MDGA2: variants seen among roughly 807,000 people sequenced by gnomAD.
MDGA2 encodes MAM domain containing glycosylphosphatidylinositol anchor 2.
A neutral mutation model predicts 117.8 loss-of-function variants in MDGA2; 40 were observed. The observed-to-expected ratio is 0.34, with a 90% CI of 0.26 to 0.44. The LOEUF is 0.44. Among genes scored for constraint, MDGA2 ranks in the 20% least tolerant of loss-of-function variants. The pLI, the probability that MDGA2 is intolerant of heterozygous loss-of-function variation, is 1.00. For synonymous variants in MDGA2, 452 were observed against 439.0 expected (o/e 1.03, Z -0.37); for missense variants, 1,123 against 1,250.6 (o/e 0.90, Z 1.54).
At chr14:46,874,893 T>G (rs1194905598) in intron 12 of MDGA2, among the ~76,000 whole-genome samples, 1 of 150,916 alleles carries the variant, frequency 6.6e-6, no homozygotes, top group East Asian at 1.9e-4. Context: ...TTTTCAACTA[T>G]CCCTGAAATG....
intron 2 of MDGA2, among the ~76,000 whole-genome samples, chr14:47,226,209 G>A (rs934976002): frequency 6.9e-6 from 1 of 144,990 alleles, no homozygotes; most frequent in Non-Finnish European, 1.5e-5. Flanking sequence ...GTGAGACACT[G>A]TCTCACCATA....
chr14:47,503,519 C>T (rs917502902), intron 1 of MDGA2, among the ~76,000 whole-genome samples: 5 of 150,922 alleles, frequency 3.3e-5, no homozygotes, highest in Non-Finnish European at 5.9e-5. Flanking sequence ...CATTCTCCTG[C>T]CTCAGCCTCC....
chr14:47,125,609 G>A (rs1881863825), intron 5 of MDGA2, among the ~76,000 whole-genome samples: 1 of 151,866 alleles, frequency 6.6e-6, no homozygotes, highest in Non-Finnish European at 1.5e-5. Context: ...AAAAATTGAA[G>A]AATAAGTGAG....
Position 47,035,321 on chromosome 14 carries a change from G to T in MDGA2, c.1526-17C>A, listed in dbSNP as rs1162154576. 6.3e-7 allele frequency: 1 copy of T among 1,595,206 alleles called. No individual in the cohort carries two copies. Among genetic ancestry groups the T allele is most frequent in the Non-Finnish European group, 8.5e-7 (1 of 1,170,958 alleles). ...TGGGTGGAACTTGAAATGGGAAAAA[G>T]AAAATTTTTCAAGGTTAGTATAAAC... On this transcript the variant is annotated splice_polypyrimidine_tract_variant and intron_variant, in intron 7 of 16. Transcript: ENST00000399232.
At chr14:47,302,720 A>T (rs1889322961) in intron 1 of MDGA2, among the ~76,000 whole-genome samples, 1 of 152,178 alleles carries the variant, frequency 6.6e-6, no homozygotes, top group African/African-American at 2.4e-5. Context: ...TCATTCTGGG[A>T]AAAGCTGTGT....
At chr14:47,147,966 T>C (rs1883011915) in intron 3 of MDGA2, among the ~76,000 whole-genome samples, 1 of 152,206 alleles carries the variant, frequency 6.6e-6, no homozygotes, top group African/African-American at 2.4e-5. Context: ...AAGGCTGATG[T>C]ACTTGTCTGT....
intron 3 of MDGA2, among the ~76,000 whole-genome samples, chr14:47,173,102 A>C (rs886496804): frequency 1.3e-5 from 2 of 152,192 alleles, no homozygotes; most frequent in Non-Finnish European, 2.9e-5. Context: ...TTAGAGAAAA[A>C]AGAATAAAAA....
chr14:47,340,408 G>C (rs141350322), intron 1 of MDGA2, among the ~76,000 whole-genome samples: 1 of 151,978 alleles, frequency 6.6e-6, no homozygotes, highest in African/African-American at 2.4e-5. Context: ...ATAAAAAATA[G>C]CCAAAATACT....
intron 2 of MDGA2, among the ~76,000 whole-genome samples, chr14:47,242,424 C>G (rs1192559938): frequency 1.3e-5 from 2 of 151,890 alleles, no homozygotes; most frequent in African/African-American, 2.4e-5. Flanking sequence ...ACTCCCTCAG[C>G]TTTCAGGGAG....
intron 3 of MDGA2, among the ~76,000 whole-genome samples, chr14:47,185,266 T>C (rs1224857166): frequency 2.0e-5 from 3 of 151,358 alleles, no homozygotes; most frequent in Non-Finnish European, 3.0e-5. Flanking sequence ...ATAAAGTGTG[T>C]CATTACTTTA....
intron 15 of MDGA2, among the ~76,000 whole-genome samples, chr14:46,850,975 C>T (rs1881033935): frequency 6.6e-6 from 1 of 151,788 alleles, no homozygotes; most frequent in Admixed American, 6.6e-5. Context: ...GCTACATGAG[C>T]ATGTAATGTC....
rs1889062912 is a variant in MDGA2, at chr14:47,041,389, CATAA to C, written c.1526-6089_1526-6086del. Among the ~76,000 whole-genome samples the C allele has an allele frequency of 3.3e-5, 5 of 152,056 alleles. No homozygotes were observed. The South Asian group carries it at 1.0e-3, about 32-fold the overall frequency. On this transcript the variant is annotated intron_variant, in intron 7 of 16. Transcript: ENST00000399232. ...CATAATGAAAACGTATCAAATTTAG[CATAA>C]ATATTTGAAATGTCTATACCATGTA...
intron 1 of MDGA2, among the ~76,000 whole-genome samples, chr14:47,436,228 A>T (rs186957712): frequency 2.6e-5 from 4 of 152,158 alleles, no homozygotes; most frequent in Non-Finnish European, 4.4e-5. Context: ...GAAAGCTGAT[A>T]AGAAATTCAA....
chr14:47,524,367 C>T (rs1172873252), intron 1 of MDGA2, among the ~76,000 whole-genome samples: 1 of 152,016 alleles, frequency 6.6e-6, no homozygotes, highest in Non-Finnish European at 1.5e-5. Context: ...TCACTTCACG[C>T]CAGAAAACTG....
At chr14:47,109,953 CA>C (rs1286559236) in intron 5 of MDGA2, among the ~76,000 whole-genome samples, 2 of 151,976 alleles carry the variant, frequency 1.3e-5, no homozygotes, top group Non-Finnish European at 2.9e-5. Flanking sequence ...TCAAAAACTA[CA>C]GAAAGTAAAA....
Position 47,598,441 on chromosome 14 carries a change from T to A in MDGA2, c.280+76076A>T, listed in dbSNP as rs1309146071. 2.6e-5 allele frequency among the ~76,000 whole-genome samples: 4 copies of A among 152,296 alleles called. No homozygotes were observed. The Middle Eastern group carries it at 0.014, about 518-fold the overall frequency. On this transcript the variant is annotated intron_variant, in intron 1 of 16. Coordinates refer to ENST00000399232, the MANE Select transcript of MDGA2 (RefSeq NM_001113498.3). Reference sequence around the variant, plus strand: ...AACAACTCAAGTATCCATCCACAGATAAATGGATAAATAGAAAGTGATATA... The same window carrying A: ...AACAACTCAAGTATCCATCCACAGAAAAATGGATAAATAGAAAGTGATATA...
At chr14:47,134,048 A>G (rs1253740654) in intron 4 of MDGA2, among the ~76,000 whole-genome samples, 2 of 152,110 alleles carry the variant, frequency 1.3e-5, no homozygotes, top group Non-Finnish European at 2.9e-5. Context: ...TTTGATATAC[A>G]TTGTAAAATA....
intron 1 of MDGA2, among the ~76,000 whole-genome samples, chr14:47,620,545 G>A (rs1342797521): frequency 2.0e-5 from 3 of 152,174 alleles, no homozygotes; most frequent in African/African-American, 4.8e-5. Context: ...ACTGATGAGA[G>A]GGCAGGATAA....
chr14:46,875,011 G>A (rs1595012933), intron 12 of MDGA2, among the ~76,000 whole-genome samples: 1 of 151,172 alleles, frequency 6.6e-6, no homozygotes, highest in East Asian at 2.0e-4. Flanking sequence ...TAAAGAGTGT[G>A]TATCCTTGAG....
Sources: allele counts gnomAD v4.1 joint callset (sites outside exome capture counted in the v4.1 genomes callset), GRCh38; gene constraint gnomAD v4.1.1; transcripts MANE v1.5; gene names NCBI Gene and HGNC (gene_info 2026-07-23, HGNC 2026-07-21).